Variants in DCLK2 observed in about 807,000 individuals in gnomAD.
DCLK2 encodes the protein doublecortin like kinase 2.
In DCLK2, 31 loss-of-function variants were observed where a neutral mutation model predicts 78.4. That is an observed-to-expected ratio of 0.40 (90% CI 0.30 to 0.53). DCLK2 has a LOEUF of 0.53. DCLK2 is among the 20% of genes least tolerant of loss of function. The pLI, the probability that DCLK2 is intolerant of heterozygous loss-of-function variation, is 0.61. For synonymous variants in DCLK2, 407 were observed against 374.9 expected (o/e 1.09, Z -0.99); for missense variants, 872 against 973.7 (o/e 0.90, Z 1.39).
chr4:150,216,569 G>A (rs1740735321), intron 5 of DCLK2, among the ~76,000 whole-genome samples: 1 of 152,158 alleles, frequency 6.6e-6, no homozygotes, highest in South Asian at 2.1e-4. Context: ...AACCCGGGAG[G>A]CGGAGGTTGC....
chr4:150,168,202 G>A (rs1210475238), intron 2 of DCLK2, among the ~76,000 whole-genome samples: 1 of 152,096 alleles, frequency 6.6e-6, no homozygotes, highest in Non-Finnish European at 1.5e-5. Flanking sequence ...AATTAGCTGG[G>A]CGTGGTGGCA....
At chr4:150,089,689 T>C (rs1229757044) in intron 1 of DCLK2, among the ~76,000 whole-genome samples, 2 of 152,256 alleles carry the variant, frequency 1.3e-5, no homozygotes, top group Non-Finnish European at 2.9e-5. Context: ...TATGCTTATG[T>C]ATATAGGTTT....
At chr4:150,179,478 G>A (rs1737347199) in intron 2 of DCLK2, among the ~76,000 whole-genome samples, 1 of 152,158 alleles carries the variant, frequency 6.6e-6, no homozygotes, top group Non-Finnish European at 1.5e-5. Context: ...TTCAAAATAA[G>A]TATAGAATTA....
chr4:150,081,513 G>A (rs572278907), intron 1 of DCLK2, among the ~76,000 whole-genome samples: 1 of 147,548 alleles, frequency 6.8e-6, no homozygotes, highest in East Asian at 1.9e-4. Context: ...TAGTTGCACA[G>A]CCAAAATTTT....
At chr4:150,246,721 G>C (rs762218571) in intron 12 of DCLK2, among the ~76,000 whole-genome samples, 1 of 152,134 alleles carries the variant, frequency 6.6e-6, no homozygotes, top group African/African-American at 2.4e-5. Context: ...GGTTGGGGAC[G>C]TCTTCCCCAG....
intron 2 of DCLK2, among the ~76,000 whole-genome samples, chr4:150,166,382 T>G (rs1736083300): frequency 6.6e-6 from 1 of 151,410 alleles, no homozygotes; most frequent in Non-Finnish European, 1.5e-5. Context: ...TGGTCCTAGC[T>G]ACTTGGAAGG....
chr4:150,236,106 G>A (rs962781565), intron 10 of DCLK2, among the ~76,000 whole-genome samples: 1 of 152,208 alleles, frequency 6.6e-6, no homozygotes, highest in African/African-American at 2.4e-5. Flanking sequence ...AGAACACACA[G>A]TGTTCATTTT....
chr4:150,181,228 C>T (rs1379770581), intron 2 of DCLK2, among the ~76,000 whole-genome samples: 1 of 152,124 alleles, frequency 6.6e-6, no homozygotes, highest in Non-Finnish European at 1.5e-5. Context: ...ATAGGAGTGT[C>T]TACCGTGATC....
intron 15 of DCLK2, chr4:150,253,730 T>C (rs1744355975): frequency 1.0e-6 from 1 of 985,326 alleles, no homozygotes; most frequent in Non-Finnish European, 1.2e-6. Flanking sequence ...GAAAACTTTA[T>C]TTTCAAACTT....
intron 1 of DCLK2, among the ~76,000 whole-genome samples, chr4:150,088,880 A>G (rs1439877632): frequency 6.6e-6 from 1 of 152,138 alleles, no homozygotes; most frequent in Admixed American, 6.5e-5. Context: ...ACGAAAGCAC[A>G]CTCACAAGGA....
intron 2 of DCLK2, among the ~76,000 whole-genome samples, chr4:150,171,007 C>A (rs1736488837): frequency 6.6e-6 from 1 of 152,172 alleles, no homozygotes; most frequent in South Asian, 2.1e-4. Context: ...ACAATGCCCT[C>A]AGCATACATT....
intron 2 of DCLK2, among the ~76,000 whole-genome samples, chr4:150,143,624 A>G (rs1734255522): frequency 6.6e-6 from 1 of 152,224 alleles, no homozygotes; most frequent in Non-Finnish European, 1.5e-5. Context: ...TATTTGAGAT[A>G]TCTTCATTCT....
At chr4:150,120,922 T>A (rs1179440235) in intron 2 of DCLK2, among the ~76,000 whole-genome samples, 2 of 151,942 alleles carry the variant, frequency 1.3e-5, no homozygotes, top group Non-Finnish European at 2.9e-5. Context: ...TACAAAAAAA[T>A]TAGCCAGGCG....
intron 8 of DCLK2, among the ~76,000 whole-genome samples, chr4:150,227,009 G>T (rs1487372639): frequency 6.6e-6 from 1 of 152,148 alleles, no homozygotes; most frequent in Non-Finnish European, 1.5e-5. Context: ...TCCAGGCTTG[G>T]ATATATAGGA....
intron 12 of DCLK2, 71 bp downstream of exon 12, chr4:150,240,547 C>T: frequency 1.5e-6 from 2 of 1,357,402 alleles, no homozygotes; most frequent in Non-Finnish European, 2.0e-6. Context: ...AGGTACTTTG[C>T]TCCTGGAAGT....
intron 5 of DCLK2, among the ~76,000 whole-genome samples, chr4:150,204,848 C>T (rs1392624894): frequency 3.3e-5 from 5 of 151,518 alleles, no homozygotes; most frequent in Admixed American, 1.3e-4. Flanking sequence ...GCCGAGATCG[C>T]GCCGCTGCAC....
intron 8 of DCLK2, among the ~76,000 whole-genome samples, chr4:150,227,586 C>T (rs1741713073): frequency 6.6e-6 from 1 of 152,108 alleles, no homozygotes; most frequent in Non-Finnish European, 1.5e-5. Context: ...GCACGTTGGG[C>T]CCTTCTAAGT....
intron 3 of DCLK2, among the ~76,000 whole-genome samples, 165 bp downstream of exon 3, chr4:150,193,405 A>G (rs1228204481): frequency 2.0e-5 from 3 of 152,214 alleles, no homozygotes; most frequent in African/African-American, 7.2e-5. Context: ...GAATAACATG[A>G]AAGCATTTGC....
Position 150,221,672 on chromosome 4 carries a change from T to C in DCLK2, c.1133-5T>C, listed in dbSNP as rs972235763. ...CTTTAGAATTTGCATTTATCCTTTT[T>C]GCAGGTGTGAATGGAAACAGATGCT... On this transcript the variant is annotated splice_polypyrimidine_tract_variant and splice_region_variant and intron_variant, in intron 6 of 15. Coordinates refer to ENST00000296550, the MANE Select transcript of DCLK2 (RefSeq NM_001040260.4). 7.6e-6 allele frequency: 12 copies of C among 1,583,522 alleles called. No homozygotes were observed. The highest frequency in any genetic ancestry group is 1.0e-5 in the Non-Finnish European group (12 of 1,166,162).
Sources: gnomAD v4.1 joint callset for allele counts (sites outside exome capture counted in the v4.1 genomes callset) on GRCh38, gnomAD v4.1.1 for gene constraint, MANE v1.5 for transcripts, NCBI Gene and HGNC (gene_info 2026-07-23, HGNC 2026-07-21) for gene names.